The following HCCS variants were observed in gnomAD, a reference collection of about 807,000 sequenced individuals.
HCCS encodes holocytochrome c synthase.
A neutral mutation model predicts 24.2 loss-of-function variants in HCCS; 2 were observed. That is an observed-to-expected ratio of 0.08 (90% CI 0.03 to 0.26). The LOEUF (loss-of-function observed/expected upper bound fraction) is 0.26, where lower values mean the gene tolerates loss of function less well. Ranked by LOEUF, HCCS falls within the 10% of genes least tolerant of loss-of-function variation. HCCS has a pLI of 1.00. For synonymous variants in HCCS, 73 were observed against 76.2 expected, an observed-to-expected ratio of 0.96 and a Z score of 0.22; for missense variants, 150 against 213.3, an observed-to-expected ratio of 0.70 and a Z score of 1.85.
chrX:11,117,495 C>CA (rs1292097506), intron 4 of HCCS, 80 bp downstream of exon 4: 1 of 844,736 alleles, frequency 1.2e-6, no homozygotes, highest in Non-Finnish European at 1.8e-6. Context: ...TTTTTACCTT[C>CA]AAAACAATAT....
Position 11,114,913 on chromosome X carries a change from C to A in HCCS, c.179C>A (p.Ala60Asp). The change falls in exon 3 of 7, where the codon GCC (alanine) becomes GAC (aspartate). Residue 60 changes from alanine (A) to aspartate (D), a missense_variant. Around this residue, in one of 2 missense-constraint regions of HCCS, gnomAD observed 95 missense variants for 79.1 expected, o/e 1.20. Coordinates refer to ENST00000380762, the MANE Select transcript of HCCS (RefSeq NM_005333.5). ...TCTGTGCCTGCCCACCAGGAACGCG[C>A]CTATGAGTACGTGGAGTGTCCCATT... ...TYSVPAHQERAYEYVECPIRG... is the reference protein window; with the variant it reads ...TYSVPAHQERDYEYVECPIRG... The A allele has an allele frequency of 8.3e-7, 1 of 1,204,858 alleles. No homozygotes were observed. Among genetic ancestry groups the A allele is most frequent in the Non-Finnish European group, 1.1e-6 (1 of 889,185 alleles).
intron 3 of HCCS, among the ~76,000 whole-genome samples, chrX:11,115,800 A>G (rs1422438990): frequency 8.9e-6 from 1 of 112,205 alleles, no homozygotes; most frequent in Non-Finnish European, 1.9e-5. Flanking sequence ...AACTGCTTCT[A>G]TAAAGGGCCA....
chrX:11,117,445 T>G, intron 4 of HCCS, 30 bp downstream of exon 4: 1 of 1,157,742 alleles, frequency 8.6e-7, no homozygotes. Context: ...AAGATAAAAA[T>G]TTCTTGTCAG....
At chrX:11,113,958 G>A (rs1382122395) in intron 2 of HCCS, among the ~76,000 whole-genome samples, 1 of 112,048 alleles carries the variant, frequency 8.9e-6, no homozygotes, top group African/African-American at 3.3e-5. Context: ...TGCTGCTGCT[G>A]CTGCCTGAGG....
In HCCS at chrX:11,118,573, C is replaced by T. The variant is rs147466639; in HGVS notation, c.474C>T (p.Asn158=). 6.4e-5 allele frequency: 77 copies of T among 1,199,921 alleles called. No individual in the cohort carries two copies. Among genetic ancestry groups the T allele is most frequent in the Non-Finnish European group, 8.4e-5 (74 of 885,985 alleles). ...TCATTAGAATTCACAATCAGAATAA[C>T]GAGCAGGCTTGGAAGGAGATTTTGA... ...YNIIRIHNQN[N]EQAWKEILKW... Residue 158 remains asparagine (N), a synonymous_variant, in exon 5 of 7, where the codon AAC becomes AAT. Transcript: ENST00000380762.
intron 2 of HCCS, 25 bp from the exon 3 acceptor site, chrX:11,114,810 C>G (rs1361500981): frequency 4.2e-6 from 5 of 1,198,705 alleles, no homozygotes; most frequent in Non-Finnish European, 5.6e-6. Flanking sequence ...CATGGTGACA[C>G]CATTTTTATA....
intron 5 of HCCS, among the ~76,000 whole-genome samples, chrX:11,119,554 T>C (rs759460030): frequency 2.7e-5 from 3 of 112,931 alleles, no homozygotes; most frequent in Non-Finnish European, 5.6e-5. Context: ...TAAACAGTGG[T>C]TTTAAATTCA....
Position 11,114,962 on chromosome X carries a change from G to A in HCCS, c.228G>A (p.Lys76=). The change falls in exon 3 of 7, where the codon AAG becomes AAA. Residue 76 remains lysine (K), a synonymous_variant. Coordinates refer to ENST00000380762, the MANE Select transcript of HCCS (RefSeq NM_005333.5). ...CPIRGTAAEN[K]ENLDPSNLMP... is the part of the protein sequence containing the mutation. ...TTAGGGGCACTGCGGCTGAGAATAA[G>A]GAGAACCTAGATCCTTCAAATCTGG... is the stretch of plus-strand genomic sequence containing the variant. 8.3e-7 allele frequency: 1 copy of A among 1,209,311 alleles called. No homozygotes were observed. Among genetic ancestry groups the A allele is most frequent in the East Asian group, 3.0e-5 (1 of 33,833 alleles).
Position 11,112,060 on chromosome X carries a change from C to T in HCCS, c.-1C>T, listed in dbSNP as rs2045411751. 2 of 1,198,294 alleles carry T rather than the reference C, an allele frequency of 1.7e-6. No individual in the cohort carries two copies. The highest frequency in any genetic ancestry group is 5.9e-5 in the East Asian group (2 of 33,825). The stretch of plus-strand genomic sequence containing the variant: ...GTTTACAGTCAACACTGTTTCCAGC[C>T]ATGGGTTTGTCTCCATCTGCTCCTG... On this transcript the variant is annotated 5_prime_UTR_variant, in exon 2 of 7. Coordinates refer to ENST00000380762, the MANE Select transcript of HCCS (RefSeq NM_005333.5).
rs754659763 is a variant in HCCS at position 11,120,934 on chromosome X, C to A, written c.549C>A (p.Ile183=). 2.7e-5 allele frequency: 32 copies of A among 1,207,244 alleles called. No individual in the cohort carries two copies. The East Asian group carries it at 9.2e-4, about 35-fold the overall frequency. ...AAECPCGPSL[I]RFGGKAKEYS... ...AGTGTCCTTGTGGTCCATCATTGAT[C>A]CGGTTTGGAGGGAAAGCAAAAGAGT... Residue 183 remains isoleucine, a synonymous_variant, in exon 6 of 7, where the codon ATC becomes ATA. Coordinates refer to ENST00000380762, the MANE Select transcript of HCCS (RefSeq NM_005333.5).
chrX:11,118,466 ACAGT>A, intron 4 of HCCS, 31 bp from the exon 5 acceptor site: 1 of 1,165,367 alleles, frequency 8.6e-7, no homozygotes, highest in African/African-American at 1.8e-5. Flanking sequence ...ATTATCAGGA[ACAGT>A]TGTCAAATTT....
chrX:11,115,009 T>C lies in HCCS; in HGVS notation c.252+23T>C, dbSNP rs139811184. ...CTGGTAATCCACACTCATCTTTTCT[T>C]TCTGGAGCTTTTTATGCAGGGTTGC... On this transcript the variant is annotated intron_variant, in intron 3 of 6. Transcript: ENST00000380762. 159 of 1,189,471 alleles carry C rather than the reference T, an allele frequency of 1.3e-4. 1 individual carries two copies. In the African/African-American group the frequency reaches 2.6e-3, roughly 20 times the overall value.
chrX:11,121,169 G>A (rs1445746385), intron 6 of HCCS, among the ~76,000 whole-genome samples, 176 bp downstream of exon 6: 4 of 113,079 alleles, frequency 3.5e-5, no homozygotes, highest in South Asian at 3.6e-4. Context: ...TTATTAGGGT[G>A]TAGTAGATTG....
chrX:11,115,115 A>C, intron 3 of HCCS, 129 bp downstream of exon 3: 1 of 598,847 alleles, frequency 1.7e-6, no homozygotes. Context: ...TAGATATTCT[A>C]TCTACAGTGA....
Position 11,122,467 on chromosome X carries a change from T to C in HCCS, c.*657T>C, listed in dbSNP as rs1190082284. The C allele has an allele frequency of 2.7e-5, 3 of 112,248 alleles. No homozygotes were observed. The highest frequency in any genetic ancestry group is 3.8e-5 in the Non-Finnish European group (2 of 53,327). The allele number at this position is 112,248 out of a possible 1,213,427, so 9.3% of individuals were successfully genotyped here. A position where few individuals can be genotyped will look rare whatever the true frequency, so the allele number is the denominator to read the frequency against. The stretch of plus-strand genomic sequence containing the variant: ...CCTTTGGAACATACCTTTTAAAAAA[T>C]GTTCCCTTTAAATCCTGTTATTCTA... On this transcript the variant is annotated 3_prime_UTR_variant, in exon 7 of 7. Coordinates refer to ENST00000380762, the MANE Select transcript of HCCS (RefSeq NM_005333.5).
chrX:11,121,793 T>C lies in HCCS; in HGVS notation c.790T>C (p.Trp264Arg). Residue 264 changes from tryptophan (W) to arginine (R), a missense_variant, in exon 7 of 7, where the codon TGG becomes CGG. Trp to Arg is a moderately radical substitution (Grantham distance 101, BLOSUM62 -3). Transcript: ENST00000380762. ...AVWDRMKVAWWRWTS is the reference protein window; with the variant it reads ...AVWDRMKVAWRRWTS Reference sequence around the variant, plus strand: ...ATGGGACAGAATGAAAGTCGCTTGGTGGCGTTGGACCTCGTAAAGCACTGT... The same window carrying C: ...ATGGGACAGAATGAAAGTCGCTTGGCGGCGTTGGACCTCGTAAAGCACTGT... 8.3e-7 allele frequency: 1 copy of C among 1,208,032 alleles called. No individual in the cohort carries two copies. The highest frequency in any genetic ancestry group is 1.1e-6 in the Non-Finnish European group (1 of 892,227).
chrX:11,118,437 T>C (rs1020527366), intron 4 of HCCS, 64 bp from the exon 5 acceptor site: 2 of 1,003,227 alleles, frequency 2.0e-6, no homozygotes, highest in Non-Finnish European at 2.8e-6. Flanking sequence ...TATGAAAATA[T>C]GTGGATTAAC....
At chrX:11,112,699 G>T (rs192962791) in intron 2 of HCCS, among the ~76,000 whole-genome samples, 184 of 113,061 alleles carry the variant, frequency 1.6e-3, no homozygotes, top group Middle Eastern at 0.014. Context: ...GGTAGTACAT[G>T]AGAACGTAGT....
chrX:11,121,825 T>G lies in HCCS; in HGVS notation c.*15T>G, dbSNP rs752236185. ...GGACCTCGTAAAGCACTGTTTCAGA[T>G]GGAAAAATATAAACTATTTTTTTCT... On this transcript the variant is annotated 3_prime_UTR_variant, in exon 7 of 7. Transcript: ENST00000380762. 3 of 1,168,478 alleles carry G rather than the reference T, an allele frequency of 2.6e-6. No homozygotes were observed. The highest frequency in any genetic ancestry group is 3.5e-6 in the Non-Finnish European group (3 of 857,380).
Sources: gnomAD v4.1 joint callset for allele counts (sites outside exome capture counted in the v4.1 genomes callset) on GRCh38, gnomAD v4.1.1 for gene constraint, gnomAD v4.1.1 regional missense constraint, MANE v1.5 for transcripts, NCBI Gene and HGNC (gene_info 2026-07-23, HGNC 2026-07-21) for gene names.